EPCAM: variants seen among roughly 807,000 people sequenced by gnomAD.
EPCAM encodes epithelial cell adhesion molecule, also known as adenocarcinoma-associated antigen.
EPCAM carries 39 observed loss-of-function variants against 40.0 expected under a neutral mutation model. The ratio of observed to expected loss-of-function variants is 0.98; its 90% CI spans 0.76 to 1.27. The LOEUF (loss-of-function observed/expected upper bound fraction) is 1.27, where lower values mean the gene tolerates loss of function less well. Among genes scored for constraint, EPCAM ranks in the 50% most tolerant of loss-of-function variants. The probability of loss-of-function intolerance (pLI) is 0.00; values close to 1 mark genes in which losing one functional copy is unlikely to be tolerated. For missense variants in EPCAM, 503 were observed against 381.2 expected (o/e 1.32, Z -2.66); for synonymous variants, 168 against 132.3 (o/e 1.27, Z -1.85).
chr2:47,378,272 G>A (rs189421975), intron 5 of EPCAM, among the ~76,000 whole-genome samples: 199 of 149,114 alleles, frequency 1.3e-3, no homozygotes, highest in Non-Finnish European at 2.0e-3. Context: ...TGCATGCTGC[G>A]TTTTACCTTG....
intron 3 of EPCAM, among the ~76,000 whole-genome samples, chr2:47,374,935 G>C (rs2103749466): frequency 6.6e-6 from 1 of 152,212 alleles, no homozygotes; most frequent in Middle Eastern, 3.4e-3. Flanking sequence ...CCATGCCCGG[G>C]CCTTTCATGC....
chr2:47,379,442 A>C (rs1293813109), intron 6 of EPCAM, among the ~76,000 whole-genome samples: 1 of 152,176 alleles, frequency 6.6e-6, no homozygotes, highest in Non-Finnish European at 1.5e-5. Flanking sequence ...TTTTCTGCTG[A>C]AATATGAGGT....
chr2:47,377,377 C>T (rs1573397422), intron 5 of EPCAM, among the ~76,000 whole-genome samples: 1 of 152,086 alleles, frequency 6.6e-6, no homozygotes, highest in Admixed American at 6.6e-5. Flanking sequence ...GCTGGGACTA[C>T]AGGCACATGT....
At chr2:47,377,836 T>G (rs1558437356) in intron 5 of EPCAM, 18 of 433,128 alleles carry the variant, frequency 4.2e-5, no homozygotes, top group South Asian at 2.7e-4. Flanking sequence ...AAACTCTGGT[T>G]TAAAAAATAA....
At chr2:47,381,081 G>A (rs1246546244) in intron 7 of EPCAM, among the ~76,000 whole-genome samples, 1 of 73,986 alleles carries the variant, frequency 1.4e-5, no homozygotes, top group East Asian at 4.7e-4. Context: ...GCAAGACTCT[G>A]TCTCAAAAAA....
intron 7 of EPCAM, among the ~76,000 whole-genome samples, chr2:47,381,383 A>T (rs545848010): frequency 1.6e-5 from 2 of 126,618 alleles, no homozygotes; most frequent in Non-Finnish European, 3.2e-5. Context: ...CAAGAGTGAA[A>T]CTCCGTCTCA....
chr2:47,379,681 C>T lies in EPCAM; in HGVS notation c.658-88C>T. On this transcript the variant is annotated intron_variant, in intron 6 of 8. Transcript: ENST00000263735. ...ACCATAAAGATTCTTGGCAGCGGTT[C>T]TTTTGGCATACAATTTGTATGTAAT... 2.1e-6 allele frequency: 3 copies of T among 1,451,272 alleles called. No homozygotes were observed. The East Asian group carries it at 6.9e-5, about 34-fold the overall frequency. 89.9% of individuals were successfully genotyped at this position (1,451,272 alleles called of 1,614,324 possible). A position where few individuals can be genotyped will look rare whatever the true frequency, so the allele number is the denominator to read the frequency against.
At chr2:47,370,062 G>C (rs746166345) in intron 1 of EPCAM, among the ~76,000 whole-genome samples, 8 of 152,218 alleles carry the variant, frequency 5.3e-5, no homozygotes, top group Non-Finnish European at 1.0e-4. Flanking sequence ...CCGCAGGGAG[G>C]CCTCCAGGGC....
At chr2:47,380,496 C>G (rs1204866179) in intron 7 of EPCAM, among the ~76,000 whole-genome samples, 2 of 152,156 alleles carry the variant, frequency 1.3e-5, no homozygotes, top group African/African-American at 4.8e-5. Context: ...AAGCTTGTGG[C>G]TGTGCACCTC....
At chr2:47,380,037 G>C (rs1671543072) in intron 7 of EPCAM, 68 bp downstream of exon 7, 1 of 1,550,608 alleles carries the variant, frequency 6.4e-7, no homozygotes, top group Non-Finnish European at 8.7e-7. Context: ...TAGTGGCTGG[G>C]CGCGGTGGCT....
Position 47,382,142 on chromosome 2 carries a change from G to A in EPCAM, c.858+2173G>A, listed in dbSNP as rs553299296. 1.4e-3 allele frequency among the ~76,000 whole-genome samples: 217 copies of A among 151,830 alleles called. No homozygotes were observed. The Middle Eastern group carries it at 0.044, about 31-fold the overall frequency. ...AAGAAACTGTAAAGTAAAAAATAAC[G>A]ATGGGCATGAAAAAAATATGGCGCA... is the stretch of plus-strand genomic sequence containing the variant. On this transcript the variant is annotated intron_variant, in intron 7 of 8. Coordinates refer to ENST00000263735, the MANE Select transcript of EPCAM (RefSeq NM_002354.3).
At position 47,384,105 on chromosome 2, in the gene EPCAM, T is replaced by TTTTA. The variant is rs1363612827; in HGVS notation, c.859-1051_859-1048dup. Among the ~76,000 whole-genome samples the TTTTA allele has an allele frequency of 2.6e-5, 4 of 151,960 alleles. No homozygotes were observed. In the East Asian group the frequency reaches 5.8e-4, roughly 22 times the overall value. ...TTTAGTAGTGAAAGTTTTTATTTTATTTTATTTATTTATGGAGACAGAGTC... is the reference window on the plus strand; with the variant it reads ...TTTAGTAGTGAAAGTTTTTATTTTATTTTATTTATTTATTTATGGAGACAGAGTC... On this transcript the variant is annotated intron_variant, in intron 7 of 8. Coordinates refer to ENST00000263735, the MANE Select transcript of EPCAM (RefSeq NM_002354.3).
intron 5 of EPCAM, among the ~76,000 whole-genome samples, chr2:47,378,420 G>T (rs1335218915): frequency 6.7e-6 from 1 of 150,356 alleles, no homozygotes; most frequent in African/African-American, 2.4e-5. Flanking sequence ...TCCTGCCTCA[G>T]CTTCCCTGGT....
intron 1 of EPCAM, chr2:47,369,896 C>A: frequency 4.3e-6 from 2 of 469,414 alleles, no homozygotes; most frequent in South Asian, 3.8e-5. Context: ...CGAACCGGTG[C>A]CTCGCGCCCT....
At chr2:47,372,047 G>A in intron 1 of EPCAM, among the ~76,000 whole-genome samples, 1 of 152,114 alleles carries the variant, frequency 6.6e-6, no homozygotes. Context: ...ATGAACTTTT[G>A]AGGTTGTTAA....
At chr2:47,382,438 G>A (rs1671618764) in intron 7 of EPCAM, among the ~76,000 whole-genome samples, 1 of 152,234 alleles carries the variant, frequency 6.6e-6, no homozygotes, top group African/African-American at 2.4e-5. Context: ...TATAATCCCA[G>A]CACTTTGGGA....
At chr2:47,376,352 A>G (rs34595241) in intron 4 of EPCAM, among the ~76,000 whole-genome samples, 32,644 of 146,214 alleles carry the variant, frequency 0.22, 3,965 homozygotes, top group East Asian at 0.42. Flanking sequence ...TGCTTCCCGG[A>G]TTCAAGCGAT....
intron 2 of EPCAM, 103 bp downstream of exon 2, chr2:47,373,673 T>C (rs1671343678): frequency 6.9e-7 from 1 of 1,446,460 alleles, no homozygotes; most frequent in South Asian, 1.2e-5. Flanking sequence ...TAAATCTGAA[T>C]CATGTTACAA....
chr2:47,374,122 T>C, intron 3 of EPCAM, 74 bp downstream of exon 3: 1 of 1,522,866 alleles, frequency 6.6e-7, no homozygotes, highest in Non-Finnish European at 9.0e-7. Flanking sequence ...TTTGATTATG[T>C]AATATGATTT....
Sources: gnomAD v4.1 joint callset for allele counts (sites outside exome capture counted in the v4.1 genomes callset) on GRCh38, gnomAD v4.1.1 for gene constraint, MANE v1.5 for transcripts, NCBI Gene and HGNC (gene_info 2026-07-23, HGNC 2026-07-21) for gene names.